RAD51B: variants seen among roughly 807,000 people sequenced by gnomAD.
RAD51B encodes DNA repair protein RAD51 homolog 2.
A neutral mutation model predicts 42.2 loss-of-function variants in RAD51B; 38 were observed. That is an observed-to-expected ratio of 0.90 (90% confidence interval 0.70 to 1.18). The LOEUF is 1.18. Among genes scored for constraint, RAD51B ranks in the 50% most tolerant of loss-of-function variants. RAD51B has a pLI of 0.00. For synonymous variants in RAD51B, 154 were observed against 145.2 expected (o/e 1.06, Z -0.43); for missense variants, 373 against 400.7 (o/e 0.93, Z 0.59).
At chr14:68,017,462 C>T (rs571222281) in intron 7 of RAD51B, among the ~76,000 whole-genome samples, 2 of 152,142 alleles carry the variant, frequency 1.3e-5, no homozygotes, top group African/African-American at 2.4e-5. Context: ...TCCCAAAGTG[C>T]TAGGATTACA....
chr14:67,913,506 T>C (rs551885842), intron 7 of RAD51B, among the ~76,000 whole-genome samples: 112 of 152,142 alleles, frequency 7.4e-4, no homozygotes, highest in Non-Finnish European at 1.1e-3. Context: ...GTGAAGAAAA[T>C]AGTGATGGAT....
At chr14:68,392,387 T>G (rs186754040) in intron 8 of RAD51B, among the ~76,000 whole-genome samples, 17 of 152,126 alleles carry the variant, frequency 1.1e-4, no homozygotes. Context: ...CTCAAGATGT[T>G]GTTTGCCAAT....
intron 10 of RAD51B, among the ~76,000 whole-genome samples, chr14:68,506,663 C>G (rs1254107229): frequency 6.6e-6 from 1 of 152,186 alleles, no homozygotes; most frequent in Non-Finnish European, 1.5e-5. Context: ...GGGGCAGCAC[C>G]AGCACACCTA....
intron 5 of RAD51B, among the ~76,000 whole-genome samples, chr14:67,871,942 A>G (rs1275125532): frequency 6.6e-6 from 1 of 150,594 alleles, no homozygotes; most frequent in Non-Finnish European, 1.5e-5. Flanking sequence ...GTATTTCAAA[A>G]TAATAAGAGC....
chr14:68,063,092 C>T (rs1468355476), intron 7 of RAD51B, among the ~76,000 whole-genome samples: 4 of 151,884 alleles, frequency 2.6e-5, no homozygotes, highest in Non-Finnish European at 5.9e-5. Context: ...GTAATGTCTC[C>T]ATTTTTTATT....
chr14:68,481,938 C>T (rs1414358093), downstream of RAD51B, among the ~76,000 whole-genome samples: 1 of 152,196 alleles, frequency 6.6e-6, no homozygotes, highest in Non-Finnish European at 1.5e-5. Context: ...GAGGTTCCAT[C>T]ACTGCCTTAT....
intron 7 of RAD51B, among the ~76,000 whole-genome samples, chr14:68,083,877 A>G (rs1459874563): frequency 6.6e-6 from 1 of 152,174 alleles, no homozygotes; most frequent in East Asian, 1.9e-4. Context: ...TATGAACTAT[A>G]TTAACTTACT....
At chr14:68,353,187 G>A (rs911083752) in intron 8 of RAD51B, among the ~76,000 whole-genome samples, 1 of 152,164 alleles carries the variant, frequency 6.6e-6, no homozygotes, top group Non-Finnish European at 1.5e-5. Flanking sequence ...GGACAGTCCT[G>A]ATTTGCAACT....
At chr14:68,105,123 T>A (rs2077354977) in intron 7 of RAD51B, among the ~76,000 whole-genome samples, 1 of 151,982 alleles carries the variant, frequency 6.6e-6, no homozygotes, top group South Asian at 2.1e-4. Flanking sequence ...CTTTTTTTTT[T>A]TTTTCCCCTT....
rs988490732 is a variant in RAD51B at position 68,087,876 on chromosome 14, T to A, written c.756+200672T>A. On this transcript the variant is annotated intron_variant, in intron 7 of 10. Transcript: ENST00000471583. ...TATATATAATTATATAATATATTAT[T>A]TATATAATTATATAATATATTATTT... 1.1e-4 allele frequency among the ~76,000 whole-genome samples: 9 copies of A among 79,926 alleles called. 1 individual carries two copies. Among genetic ancestry groups the A allele is most frequent in the African/African-American group, 6.4e-4 (9 of 13,962 alleles). The allele number at this position is 79,926 out of a possible 152,430, so 52.4% of individuals were successfully genotyped here.
At chr14:67,976,082 T>A (rs1315447193) in intron 7 of RAD51B, among the ~76,000 whole-genome samples, 6 of 150,666 alleles carry the variant, frequency 4.0e-5, no homozygotes, top group Non-Finnish European at 8.8e-5. Context: ...CCACTCCAGT[T>A]GTTTTTGTTT....
chr14:68,046,558 G>C (rs544058334), intron 7 of RAD51B, among the ~76,000 whole-genome samples: 41 of 152,324 alleles, frequency 2.7e-4, no homozygotes, highest in African/African-American at 8.2e-4. Context: ...GGGCAACATG[G>C]TGAAACCCTG....
chr14:68,473,583 A>G (rs1444985215), intron 10 of RAD51B, among the ~76,000 whole-genome samples: 6 of 152,162 alleles, frequency 3.9e-5, no homozygotes, highest in Non-Finnish European at 7.3e-5. Context: ...AGATTTTACA[A>G]TATTTGGAAA....
At chr14:68,066,071 TA>T (rs2076645508) in intron 7 of RAD51B, among the ~76,000 whole-genome samples, 1 of 152,092 alleles carries the variant, frequency 6.6e-6, no homozygotes, top group Non-Finnish European at 1.5e-5. Context: ...TATTTATGAT[TA>T]ATAATCTAAA....
chr14:68,007,373 A>G (rs551234695), intron 7 of RAD51B, among the ~76,000 whole-genome samples: 13 of 152,046 alleles, frequency 8.6e-5, no homozygotes, highest in Middle Eastern at 3.4e-3. Context: ...TCTTGACTCT[A>G]TATCTGGGAG....
At position 68,302,379 on chromosome 14, in the gene RAD51B, G is replaced by T. The variant is rs144517181; in HGVS notation, c.853+10399G>T. ...TAGGAGTCCTGGCTTGGGGATGGAG[G>T]CTCTCTAGGAACTTTACAACAAGGA... On this transcript the variant is annotated intron_variant, in intron 8 of 10. Transcript: ENST00000471583. Among the ~76,000 whole-genome samples, 3 of 152,148 alleles carry T rather than the reference G, an allele frequency of 2.0e-5. No individual in the cohort carries two copies. The East Asian group carries it at 5.8e-4, about 29-fold the overall frequency.
At chr14:68,520,732 G>T (rs903914176) in intron 10 of RAD51B, among the ~76,000 whole-genome samples, 6 of 152,114 alleles carry the variant, frequency 3.9e-5, no homozygotes, top group Non-Finnish European at 7.3e-5. Flanking sequence ...TGCCAGTTAG[G>T]GTGTGGGGAA....
intron 8 of RAD51B, among the ~76,000 whole-genome samples, chr14:68,354,574 C>T (rs2082859434): frequency 6.6e-6 from 1 of 151,188 alleles, no homozygotes; most frequent in South Asian, 2.1e-4. Flanking sequence ...CAAGCTTAAA[C>T]ATCAAAAGAA....
chr14:68,444,581 G>T (rs950349133), intron 9 of RAD51B, among the ~76,000 whole-genome samples: 12 of 152,164 alleles, frequency 7.9e-5, no homozygotes, highest in African/African-American at 2.9e-4. Context: ...ACTCAGCAGT[G>T]GTGGCATTGG....
Sources: gnomAD v4.1 joint callset for allele counts (sites outside exome capture counted in the v4.1 genomes callset) on GRCh38, gnomAD v4.1.1 for gene constraint, MANE v1.5 for transcripts, NCBI Gene and HGNC (gene_info 2026-07-23, HGNC 2026-07-21) for gene names.